The following PLEKHN1 variants were observed in gnomAD, a reference collection of about 807,000 sequenced individuals.
PLEKHN1 encodes the protein pleckstrin homology domain containing N1.
PLEKHN1 carries 68 observed loss-of-function variants against 72.8 expected under a neutral mutation model. The ratio of observed to expected loss-of-function variants is 0.93; its 90% confidence interval spans 0.77 to 1.14. The LOEUF is 1.14. Among genes scored for constraint, PLEKHN1 ranks in the 50% most tolerant of loss-of-function variants. The pLI is 0.00. For missense variants in PLEKHN1, 1,015 were observed against 840.5 expected (o/e 1.21, Z -2.57); for synonymous variants, 454 against 371.6 (o/e 1.22, Z -2.55).
chr1:971,073 ACAGGGGTC>A lies in PLEKHN1; in HGVS notation c.613-38_613-31del, dbSNP rs1643297480. 1.9e-6 allele frequency: 3 copies of A among 1,577,408 alleles called. No homozygotes were observed. The Admixed American group carries it at 5.4e-5, about 28-fold the overall frequency. ...CGCAGCCGGCTCTGACCTCCTCCTCACAGGGGTCCTGCGGAGACGAACTCCCCTGGACT... is the reference window on the plus strand; with the variant it reads ...CGCAGCCGGCTCTGACCTCCTCCTCACTGCGGAGACGAACTCCCCTGGACT... On this transcript the variant is annotated intron_variant, in intron 6 of 15. Transcript: ENST00000379410.
intron 2 of PLEKHN1, among the ~76,000 whole-genome samples, chr1:969,854 GGT>G (rs1419928617): frequency 1.3e-5 from 2 of 151,380 alleles, no homozygotes; most frequent in African/African-American, 4.9e-5. Flanking sequence ...GCACGTATCG[GGT>G]GTGTGTGCGT....
intron 13 of PLEKHN1, 93 bp from the exon 14 acceptor site, chr1:973,740 C>T (rs867583583): frequency 6.4e-6 from 10 of 1,565,444 alleles, no homozygotes; most frequent in South Asian, 2.3e-5. Flanking sequence ...TGGGGCTGCC[C>T]CAAGCCTGAG....
At chr1:969,892 T>C (rs1455121057) in intron 2 of PLEKHN1, among the ~76,000 whole-genome samples, 1 of 152,240 alleles carries the variant, frequency 6.6e-6, no homozygotes, top group African/African-American at 2.4e-5. Context: ...TATGCATGTA[T>C]GCATATATGT....
intron 13 of PLEKHN1, 21 bp from the exon 14 acceptor site, chr1:973,812 C>T (rs1431799065): frequency 1.2e-6 from 2 of 1,602,938 alleles, no homozygotes; most frequent in Non-Finnish European, 1.7e-6. Flanking sequence ...ACCCAGGCCC[C>T]AGCCCTGGCT....
chr1:971,975 G>C, intron 8 of PLEKHN1, 100 bp from the exon 9 acceptor site: 2 of 1,199,296 alleles, frequency 1.7e-6, no homozygotes, highest in Non-Finnish European at 2.4e-6. Flanking sequence ...AGCTCTCCAA[G>C]TACCCAGCCA....
chr1:966,954 G>A, intron 2 of PLEKHN1, 151 bp downstream of exon 2: 4 of 858,560 alleles, frequency 4.7e-6, no homozygotes, highest in Non-Finnish European at 6.9e-6. Context: ...GCCCCGCCCT[G>A]GGGAGCTCAT....
chr1:974,306 G>A lies in PLEKHN1; in HGVS notation c.1654-10G>A. ...TGCCCGGCTCTCAGACTTGCGGTTT[G>A]GGGTTCCAGGTCTCCTCTGCCAGGG... On this transcript the variant is annotated splice_polypyrimidine_tract_variant and intron_variant, in intron 14 of 15. Transcript: ENST00000379410. The A allele has an allele frequency of 1.9e-6, 3 of 1,612,942 alleles. No individual in the cohort carries two copies. The highest frequency in any genetic ancestry group is 2.5e-6 in the Non-Finnish European group (3 of 1,180,018).
chr1:970,760 T>A lies in PLEKHN1; in HGVS notation c.484+2T>A. 1.2e-6 allele frequency: 2 copies of A among 1,612,178 alleles called. No homozygotes were observed. The highest frequency in any genetic ancestry group is 1.7e-6 in the Non-Finnish European group (2 of 1,179,686). ...GAGAGCACGCCTTCCAGATCACAGG[T>A]GTTTGGGATGCTTCCCGGGCCCCCA... On this transcript the variant is annotated splice_donor_variant, in intron 5 of 15. Coordinates refer to ENST00000379410, the MANE Select transcript of PLEKHN1 (RefSeq NM_032129.3). LOFTEE classifies it high-confidence loss of function. The surrounding 1 kb of genome is among the most constrained non-coding windows in gnomAD (Gnocchi z 4.2).
chr1:974,541 C>T lies in PLEKHN1; in HGVS notation c.1802C>T (p.Pro601Leu), dbSNP rs773079310. The change falls in exon 16 of 16, where the codon CCT becomes CTT. Residue 601 changes from proline (P) to leucine (L), a missense_variant. Pro to Leu is a moderately conservative substitution (Grantham distance 98, BLOSUM62 -3). Coordinates refer to ENST00000379410, the MANE Select transcript of PLEKHN1 (RefSeq NM_032129.3). ...SHQKCPQLGG[P>L]EASGGLVQWI ...CAGAAGTGCCCCCAGCTTGGAGGGCCTGAGGCCAGTGGGGGGCTTGTGCAG... is the reference window on the plus strand; with the variant it reads ...CAGAAGTGCCCCCAGCTTGGAGGGCTTGAGGCCAGTGGGGGGCTTGTGCAG... 8.1e-6 allele frequency: 13 copies of T among 1,612,262 alleles called. No homozygotes were observed. Among genetic ancestry groups the T allele is most frequent in the Admixed American group, 6.7e-5 (4 of 59,948 alleles).
At chr1:969,622 G>T (rs1446257016) in intron 2 of PLEKHN1, among the ~76,000 whole-genome samples, 1 of 149,486 alleles carries the variant, frequency 6.7e-6, no homozygotes, top group Non-Finnish European at 1.5e-5. Flanking sequence ...GTGCATATCT[G>T]TGTATGTGCA....
rs1292209303 is a variant in PLEKHN1, at chr1:970,127, G to T, written c.184-150G>T. 31 of 657,226 alleles carry T rather than the reference G, an allele frequency of 4.7e-5. No individual in the cohort carries two copies. The highest frequency in any genetic ancestry group is 9.2e-5 in the African/African-American group (5 of 54,154). 40.7% of individuals were successfully genotyped at this position (657,226 alleles called of 1,614,324 possible). A position where few individuals can be genotyped will look rare whatever the true frequency, so the allele number is the denominator to read the frequency against. ...GTATGTGTTGTGTGGCTGTGCACAG[G>T]TTCTGTGCCTGTGGGGGGCTGTTCT... On this transcript the variant is annotated intron_variant, in intron 2 of 15. Transcript: ENST00000379410. This position sits in a 1 kb window ranked among gnomAD's most constrained non-coding sequence, Gnocchi z 4.2.
At chr1:973,702 T>A (rs1283065225) in intron 13 of PLEKHN1, 62 bp downstream of exon 13, 28 of 1,589,098 alleles carry the variant, frequency 1.8e-5, no homozygotes, top group South Asian at 3.3e-5. Flanking sequence ...GCTGGGGAGG[T>A]CTAGACCGTG....
At chr1:971,559 C>T (rs897323527) in intron 8 of PLEKHN1, 155 bp downstream of exon 8, 13 of 705,998 alleles carry the variant, frequency 1.8e-5, no homozygotes, top group African/African-American at 7.1e-5. Flanking sequence ...GTCTGGTCTC[C>T]GCTGTGACAT....
Position 974,732 on chromosome 1 carries a change from C to A in PLEKHN1, c.*157C>A. ...CAGAGCCCGTCCCTCAGCTCCTGTT[C>A]CTTGGTGCCAGCAGCTGGGGCAGGG... On this transcript the variant is annotated 3_prime_UTR_variant, in exon 16 of 16. Transcript: ENST00000379410. 1 of 993,044 alleles carries A rather than the reference C, an allele frequency of 1.0e-6. No homozygotes were observed. The highest frequency in any genetic ancestry group is 1.4e-6 in the Non-Finnish European group (1 of 697,712). 61.5% of individuals were successfully genotyped at this position (993,044 alleles called of 1,614,324 possible).
chr1:972,888 T>C lies in PLEKHN1; in HGVS notation c.1030T>C (p.Ser344Pro). The C allele has an allele frequency of 1.3e-6, 2 of 1,557,860 alleles. No individual in the cohort carries two copies. Among genetic ancestry groups the C allele is most frequent in the Non-Finnish European group, 8.7e-7 (1 of 1,150,778 alleles). The part of the protein sequence containing the change: ...QVMGSGRGSL[S>P]SGGQTSWDSG... ...TATGGGCAGTGGCCGAGGCTCACTC[T>C]CCTCAGGCGGACAGACCAGCTGGGA... Residue 344 changes from serine to proline, a missense_variant, in exon 11 of 16, where the codon TCC becomes CCC. By Grantham distance (74) the Ser-to-Pro change is moderately conservative. Transcript: ENST00000379410.
chr1:974,454 C>G lies in PLEKHN1; in HGVS notation c.1715C>G (p.Pro572Arg). ...PWLPLTDGRS[P>R]RRSRDPGYDH... is the part of the protein sequence containing the mutation. ...CCTTCCCTACCAGATGGTCGGTCCC[C>G]CAGGAGGAGCCGGGACCCCGGCTAC... is the stretch of plus-strand genomic sequence containing the variant. The change falls in exon 16 of 16, where the codon CCC becomes CGC. Residue 572 changes from proline to arginine, a missense_variant. By Grantham distance (103) the Pro-to-Arg change is moderately radical. Transcript: ENST00000379410. 1 of 1,612,858 alleles carries G rather than the reference C, an allele frequency of 6.2e-7. No homozygotes were observed. Among genetic ancestry groups the G allele is most frequent in the Admixed American group, 1.7e-5 (1 of 60,020 alleles).
At chr1:969,391 CTG>C (rs1055025127) in intron 2 of PLEKHN1, among the ~76,000 whole-genome samples, 8 of 150,812 alleles carry the variant, frequency 5.3e-5, no homozygotes, top group East Asian at 2.0e-4. Flanking sequence ...GTGCACACAT[CTG>C]TGTGTATATG....
At position 973,527 on chromosome 1, in the gene PLEKHN1, C is replaced by G. The variant is rs376427746; in HGVS notation, c.1321C>G (p.Pro441Ala). The G allele has an allele frequency of 2.5e-6, 4 of 1,613,108 alleles. No individual in the cohort carries two copies. Among genetic ancestry groups the G allele is most frequent in the Admixed American group, 1.7e-5 (1 of 59,996 alleles). The change falls in exon 13 of 16, where the codon CCA becomes GCA. Residue 441 changes from proline to alanine, a missense_variant. By Grantham distance (27) the Pro-to-Ala change is conservative. Coordinates refer to ENST00000379410, the MANE Select transcript of PLEKHN1 (RefSeq NM_032129.3). ...GCACAGGCTGAGCCTGGAGAGCAGC[C>G]CAGATGCCCCTGACCACACTTCGGA... ...QLHRLSLESS[P>A]DAPDHTSETS...
intron 2 of PLEKHN1, among the ~76,000 whole-genome samples, chr1:967,240 G>A (rs930988231): frequency 6.6e-6 from 1 of 152,142 alleles, no homozygotes; most frequent in Non-Finnish European, 1.5e-5. Context: ...GGGTATGGCC[G>A]CCTGGTCCAC....
Sources: gnomAD v4.1 joint callset for allele counts (sites outside exome capture counted in the v4.1 genomes callset) on GRCh38, gnomAD v4.1.1 for gene constraint, Gnocchi (gnomAD v3.1) non-coding constraint, MANE v1.5 for transcripts, NCBI Gene and HGNC (gene_info 2026-07-23, HGNC 2026-07-21) for gene names.